Variants in SPAG17 observed in about 807,000 individuals in gnomAD.
SPAG17 encodes the protein sperm-associated antigen 17.
Under a neutral mutation model 273.6 loss-of-function variants are expected in SPAG17, and 169 were observed. The observed-to-expected ratio is 0.62, with a 90% confidence interval of 0.55 to 0.70. SPAG17 has a LOEUF of 0.70. SPAG17 is among the 30% of genes least tolerant of loss of function. The pLI is 0.00. For synonymous variants in SPAG17, 825 were observed against 873.2 expected (o/e 0.94, Z 0.97); for missense variants, 2,557 against 2,627.8 (o/e 0.97, Z 0.59).
intron 15 of SPAG17, among the ~76,000 whole-genome samples, chr1:118,076,855 A>G (rs1187299364): frequency 6.6e-6 from 1 of 152,016 alleles, no homozygotes; most frequent in African/African-American, 2.4e-5. Context: ...AGCTTTCCTA[A>G]TCTGTTTTAC....
chr1:118,152,272 A>G (rs1659429166), intron 1 of SPAG17, among the ~76,000 whole-genome samples: 1 of 152,166 alleles, frequency 6.6e-6, no homozygotes, highest in Admixed American at 6.5e-5. Context: ...GGACAGGGCA[A>G]TATCTAAGCA....
intron 18 of SPAG17, among the ~76,000 whole-genome samples, chr1:118,061,581 T>C (rs532764580): frequency 2.0e-5 from 3 of 152,250 alleles, no homozygotes; most frequent in Admixed American, 2.0e-4. Context: ...TAATATGGTA[T>C]TGTGCACTTG....
chr1:118,136,797 GTGTA>G (rs934150050), intron 3 of SPAG17, among the ~76,000 whole-genome samples: 9 of 98,990 alleles, frequency 9.1e-5, no homozygotes, highest in Admixed American at 1.3e-4. Context: ...GTGTGTGTGT[GTGTA>G]TGTGTGTGTG....
chr1:117,969,471 C>T (rs1219188516), intron 46 of SPAG17, among the ~76,000 whole-genome samples: 2 of 152,020 alleles, frequency 1.3e-5, no homozygotes, highest in Non-Finnish European at 2.9e-5. Context: ...CCCAGCTACT[C>T]AGGAGGCTGA....
chr1:118,135,371 A>ATGTGTGTGTGTGTG (rs57793942), intron 3 of SPAG17, among the ~76,000 whole-genome samples: 1 of 139,928 alleles, frequency 7.1e-6, no homozygotes, highest in Non-Finnish European at 1.6e-5. Context: ...AGCTCAAGCA[A>ATGTGTGTGTGTGTG]TGTGTGTGTG....
At chr1:117,976,372 A>G (rs777167738) in intron 43 of SPAG17, among the ~76,000 whole-genome samples, 17 of 152,232 alleles carry the variant, frequency 1.1e-4, no homozygotes, top group Non-Finnish European at 1.9e-4. Flanking sequence ...CCTTGTTACC[A>G]TGCTGAGGAA....
In SPAG17 at chr1:118,031,686, A is replaced by T. The variant is rs571294628; in HGVS notation, c.3609+6T>A. ...AGTTTGGGAATCTATGGCAAGGTTCATTTACCTTTTTCTCTTCTTCTTTTG... is the reference window on the plus strand; with the variant it reads ...AGTTTGGGAATCTATGGCAAGGTTCTTTTACCTTTTTCTCTTCTTCTTTTG... On this transcript the variant is annotated splice_donor_region_variant and intron_variant, in intron 25 of 48. Coordinates refer to ENST00000336338, the MANE Select transcript of SPAG17 (RefSeq NM_206996.4). 50 of 1,612,098 alleles carry T rather than the reference A, an allele frequency of 3.1e-5. 1 individual carries two copies. The East Asian group carries it at 6.9e-4, about 22-fold the overall frequency.
chr1:118,117,126 T>C (rs1421107174), intron 3 of SPAG17, among the ~76,000 whole-genome samples: 1 of 152,260 alleles, frequency 6.6e-6, no homozygotes, highest in East Asian at 1.9e-4. Context: ...ACAATCAGGC[T>C]CTGTGACATC....
rs1659088212 is a variant in SPAG17 at position 118,008,098 on chromosome 1, A to G, written c.4533T>C (p.Cys1511=). ...VIANCEDSSC[C]ATFGDGTTII... ...TAGTTGTTCCATCTCCAAAGGTGGCACAGCAGCTACTGTCCTCACAGTTGG... is the reference window on the plus strand; with the variant it reads ...TAGTTGTTCCATCTCCAAAGGTGGCGCAGCAGCTACTGTCCTCACAGTTGG... Residue 1511 remains cysteine (C), a synonymous_variant, in exon 31 of 49, where the codon TGT becomes TGC. Coordinates refer to ENST00000336338, the MANE Select transcript of SPAG17 (RefSeq NM_206996.4). 1 of 1,614,058 alleles carries G rather than the reference A, an allele frequency of 6.2e-7. No individual in the cohort carries two copies. Among genetic ancestry groups the G allele is most frequent in the Non-Finnish European group, 8.5e-7 (1 of 1,179,972 alleles).
intron 20 of SPAG17, among the ~76,000 whole-genome samples, chr1:118,042,397 T>C (rs1346168913): frequency 6.6e-6 from 1 of 152,160 alleles, no homozygotes; most frequent in African/African-American, 2.4e-5. Context: ...ATCTTTAATT[T>C]AGGTCCTAAA....
intron 43 of SPAG17, among the ~76,000 whole-genome samples, chr1:117,978,280 C>T (rs1655352577): frequency 6.6e-6 from 1 of 152,200 alleles, no homozygotes; most frequent in South Asian, 2.1e-4. Context: ...ATCTTCCCCA[C>T]ACCAAACCTA....
chr1:117,993,110 T>A (rs1657291824), intron 35 of SPAG17, among the ~76,000 whole-genome samples: 1 of 152,206 alleles, frequency 6.6e-6, no homozygotes, highest in Non-Finnish European at 1.5e-5. Flanking sequence ...TAATCTAGAC[T>A]AAGCATGCCT....
chr1:118,099,852 T>C, intron 5 of SPAG17, 52 bp from the exon 6 acceptor site: 1 of 1,542,100 alleles, frequency 6.5e-7, no homozygotes, highest in Non-Finnish European at 8.9e-7. Flanking sequence ...AGAGAGCAGG[T>C]TGCACTCAGC....
At chr1:118,119,354 ACAG>A (rs546199422) in intron 3 of SPAG17, among the ~76,000 whole-genome samples, 18 of 152,188 alleles carry the variant, frequency 1.2e-4, no homozygotes, top group Middle Eastern at 3.4e-3. Flanking sequence ...CTTGCTTGGA[ACAG>A]GTTATGGGAG....
At chr1:118,094,093 C>T (rs966215317) in intron 7 of SPAG17, among the ~76,000 whole-genome samples, 4 of 152,138 alleles carry the variant, frequency 2.6e-5, no homozygotes, top group African/African-American at 9.7e-5. Context: ...TCCTTGTATG[C>T]AGAAGTCCAG....
At chr1:118,001,135 C>A (rs1055423556) in intron 32 of SPAG17, among the ~76,000 whole-genome samples, 3 of 152,052 alleles carry the variant, frequency 2.0e-5, no homozygotes, top group African/African-American at 7.2e-5. Flanking sequence ...TAATGGTTTG[C>A]GTATGTTGAA....
chr1:118,023,764 C>T (rs1326925819), intron 27 of SPAG17, among the ~76,000 whole-genome samples: 1 of 151,656 alleles, frequency 6.6e-6, no homozygotes, highest in African/African-American at 2.4e-5. Context: ...TTTTTCCATT[C>T]TTCACCTTTC....
chr1:118,001,677 C>T (rs1253784413), intron 32 of SPAG17, among the ~76,000 whole-genome samples: 4 of 152,122 alleles, frequency 2.6e-5, no homozygotes, highest in African/African-American at 9.7e-5. Context: ...TCTCTTTTAT[C>T]ATTTTTTATT....
At chr1:118,099,991 A>T (rs996753207) in intron 5 of SPAG17, among the ~76,000 whole-genome samples, 191 bp from the exon 6 acceptor site, 2 of 152,214 alleles carry the variant, frequency 1.3e-5, no homozygotes, top group Non-Finnish European at 2.9e-5. Context: ...GACGGCTGTG[A>T]CTATTTTACA....
Sources: gnomAD v4.1 joint callset for allele counts (sites outside exome capture counted in the v4.1 genomes callset) on GRCh38, gnomAD v4.1.1 for gene constraint, MANE v1.5 for transcripts, NCBI Gene and HGNC (gene_info 2026-07-23, HGNC 2026-07-21) for gene names.